CACNA1D: variants seen among roughly 807,000 people sequenced by gnomAD.
CACNA1D encodes the protein calcium voltage-gated channel subunit alpha1 D.
Under a neutral mutation model 257.1 loss-of-function variants are expected in CACNA1D, and 55 were observed. That is an observed-to-expected ratio of 0.21 (90% confidence interval 0.17 to 0.27). The LOEUF (loss-of-function observed/expected upper bound fraction) is 0.27, where lower values mean the gene tolerates loss of function less well. CACNA1D is among the 10% of genes least tolerant of loss of function. CACNA1D has a pLI of 1.00. For missense variants in CACNA1D, 1,876 were observed against 2,784.0 expected (o/e 0.67, Z 7.34); for synonymous variants, 980 against 1,014.9 (o/e 0.97, Z 0.65).
At chr3:53,616,659 A>T (rs181820858) in intron 3 of CACNA1D, among the ~76,000 whole-genome samples, 1 of 152,318 alleles carries the variant, frequency 6.6e-6, no homozygotes, top group East Asian at 1.9e-4. Context: ...GTGTTTTGAG[A>T]TGCAGACCTA....
chr3:53,724,064 T>C, intron 14 of CACNA1D, 65 bp downstream of exon 14: 1 of 1,257,528 alleles, frequency 8.0e-7, no homozygotes, highest in Non-Finnish European at 1.2e-6. Context: ...CTCTGCCTTC[T>C]TGTCTGCTCA....
chr3:53,672,408 C>T (rs1460033220), intron 7 of CACNA1D, among the ~76,000 whole-genome samples: 1 of 152,158 alleles, frequency 6.6e-6, no homozygotes, highest in African/African-American at 2.4e-5. Flanking sequence ...TGTTTGCACT[C>T]ACAGGTTGCA....
chr3:53,660,276 G>A lies in CACNA1D; in HGVS notation c.766+1G>A. On this transcript the variant is annotated splice_donor_variant, in intron 5 of 47. Transcript: ENST00000350061. LOFTEE classifies it high-confidence loss of function. ...CTTCGACTAGTGTCAGGAGTGCCCA[G>A]TAAGCACTTATTGTTTCCTAGAGTC... is the stretch of plus-strand genomic sequence containing the variant. 2 of 1,613,886 alleles carry A rather than the reference G, an allele frequency of 1.2e-6. No homozygotes were observed. The highest frequency in any genetic ancestry group is 8.5e-7 in the Non-Finnish European group (1 of 1,179,836).
In CACNA1D at chr3:53,802,145, A is replaced by T; in HGVS notation, c.5409-2A>T. ...TTCCCATGTTATGCCTTTCCTGGAT[A>T]GAACCCGCTATTATGAAACTTACAT... is the stretch of plus-strand genomic sequence containing the variant. On this transcript the variant is annotated splice_acceptor_variant, in intron 42 of 47. Coordinates refer to ENST00000350061, the MANE Select transcript of CACNA1D (RefSeq NM_001128840.3). LOFTEE classifies it high-confidence loss of function. The T allele has an allele frequency of 6.2e-7, 1 of 1,607,480 alleles. No individual in the cohort carries two copies.
intron 3 of CACNA1D, among the ~76,000 whole-genome samples, chr3:53,507,224 T>A (rs1302125345): frequency 6.6e-6 from 1 of 152,162 alleles, no homozygotes; most frequent in East Asian, 1.9e-4. Context: ...TACAAATAAT[T>A]ATATCTCTTT....
rs767265243 is a variant in CACNA1D, at chr3:53,800,199, C to T, written c.4924-50C>T. On this transcript the variant is annotated intron_variant, in intron 40 of 47. Coordinates refer to ENST00000350061, the MANE Select transcript of CACNA1D (RefSeq NM_001128840.3). This position sits in a 1 kb window ranked among gnomAD's most constrained non-coding sequence, Gnocchi z 4.3. ...GAGCAAAGCCAGGACCCAGGCTGGCCCCAGGGCCCATGTGTGGTCTAACCT... is the reference window on the plus strand; with the variant it reads ...GAGCAAAGCCAGGACCCAGGCTGGCTCCAGGGCCCATGTGTGGTCTAACCT... 5 of 1,328,738 alleles carry T rather than the reference C, an allele frequency of 3.8e-6. No individual in the cohort carries two copies. The allele number at this position is 1,328,738 out of a possible 1,614,324, so 82.3% of individuals were successfully genotyped here. A position where few individuals can be genotyped will look rare whatever the true frequency, so the allele number is the denominator to read the frequency against.
intron 8 of CACNA1D, among the ~76,000 whole-genome samples, chr3:53,682,375 A>AAAAAAC: frequency 9.9e-6 from 1 of 101,426 alleles, no homozygotes; most frequent in Non-Finnish European, 2.0e-5. Flanking sequence ...TAAAAAAAAA[A>AAAAAAC]AAAAAAAAAA....
At chr3:53,722,221 C>T in intron 11 of CACNA1D, 93 bp from the exon 12 acceptor site, 4 of 1,427,524 alleles carry the variant, frequency 2.8e-6, no homozygotes, top group Non-Finnish European at 3.9e-6. Flanking sequence ...TCTAGACCTC[C>T]AGAGTGAAAG....
chr3:53,625,816 G>A (rs2093751817), intron 3 of CACNA1D, among the ~76,000 whole-genome samples: 5 of 152,190 alleles, frequency 3.3e-5, no homozygotes, highest in Admixed American at 3.3e-4. Flanking sequence ...CTGGTTCCCT[G>A]TTAATGTATG....
chr3:53,518,276 G>C (rs2091421208), intron 3 of CACNA1D, among the ~76,000 whole-genome samples: 1 of 152,188 alleles, frequency 6.6e-6, no homozygotes, highest in South Asian at 2.1e-4. Context: ...TACTATTTCT[G>C]ATAAGAATGT....
intron 3 of CACNA1D, among the ~76,000 whole-genome samples, chr3:53,530,924 C>T (rs1428839970): frequency 6.6e-6 from 1 of 151,926 alleles, no homozygotes; most frequent in Non-Finnish European, 1.5e-5. Flanking sequence ...TCAGTGCTCA[C>T]TGCAGCCTTG....
At chr3:53,714,348 T>C (rs939049637) in intron 9 of CACNA1D, among the ~76,000 whole-genome samples, 4 of 152,206 alleles carry the variant, frequency 2.6e-5, no homozygotes, top group Non-Finnish European at 5.9e-5. Flanking sequence ...GACAAGGCCA[T>C]CACCTAAATG....
intron 3 of CACNA1D, among the ~76,000 whole-genome samples, chr3:53,515,194 T>C (rs924670296): frequency 2.6e-5 from 4 of 152,164 alleles, no homozygotes; most frequent in Non-Finnish European, 5.9e-5. Flanking sequence ...CTTGGTGGTT[T>C]CTTTACGTGT....
At position 53,740,567 on chromosome 3, in the gene CACNA1D, GT is replaced by G. The variant is rs376943396; in HGVS notation, c.2811+238del. 0.014 allele frequency: 5,030 copies of G among 366,036 alleles called. 61 individuals carry two copies. Among genetic ancestry groups the G allele is most frequent in the African/African-American group, 0.05 (2,259 of 45,168 alleles). The allele number at this position is 366,036 out of a possible 1,614,324, so 22.7% of individuals were successfully genotyped here. ...GTGGAGTGCTTTTGATTTTTTATGG[GT>G]TTTTTTTTTGTCTTTCGTGGTTGAG... On this transcript the variant is annotated intron_variant, in intron 21 of 47. Coordinates refer to ENST00000350061, the MANE Select transcript of CACNA1D (RefSeq NM_001128840.3).
intron 7 of CACNA1D, among the ~76,000 whole-genome samples, chr3:53,667,377 A>G (rs999187686): frequency 3.3e-5 from 5 of 150,944 alleles, no homozygotes; most frequent in Admixed American, 1.3e-4. Flanking sequence ...TTTTCACGGT[A>G]TAAGAGTTGC....
intron 3 of CACNA1D, among the ~76,000 whole-genome samples, chr3:53,613,107 A>G (rs540023531): frequency 6.6e-6 from 1 of 152,324 alleles, no homozygotes; most frequent in South Asian, 2.1e-4. Context: ...CTTCTGTGCA[A>G]ACACCACAGA....
chr3:53,584,877 G>A (rs1379612753), intron 3 of CACNA1D, among the ~76,000 whole-genome samples: 1 of 140,910 alleles, frequency 7.1e-6, no homozygotes, highest in Non-Finnish European at 1.6e-5. Context: ...TTCTGATTTG[G>A]AAATCTAGAG....
intron 5 of CACNA1D, among the ~76,000 whole-genome samples, chr3:53,663,416 T>TGG (rs989672114): frequency 5.9e-5 from 9 of 152,142 alleles, no homozygotes; most frequent in Non-Finnish European, 8.8e-5. Context: ...GCTGAGGTCG[T>TGG]GGGGCCATGG....
At chr3:53,670,510 A>G (rs1194256879) in intron 7 of CACNA1D, among the ~76,000 whole-genome samples, 1 of 151,990 alleles carries the variant, frequency 6.6e-6, no homozygotes, top group East Asian at 1.9e-4. Flanking sequence ...ACGCCCAGCT[A>G]ATTTTTGTAT....
Sources: allele counts gnomAD v4.1 joint callset (sites outside exome capture counted in the v4.1 genomes callset), GRCh38; gene constraint gnomAD v4.1.1; non-coding constraint Gnocchi (gnomAD v3.1); transcripts MANE v1.5; gene names NCBI Gene and HGNC (gene_info 2026-07-23, HGNC 2026-07-21).